The following SLC1A3 variants were observed in gnomAD, a reference collection of about 807,000 sequenced individuals.
SLC1A3 encodes excitatory amino acid transporter 1.
Under a neutral mutation model 48.1 loss-of-function variants are expected in SLC1A3, and 21 were observed. The observed-to-expected ratio is 0.44, with a 90% CI of 0.31 to 0.63. SLC1A3 has a LOEUF of 0.63. Among genes scored for constraint, SLC1A3 ranks in the 20% least tolerant of loss-of-function variants. SLC1A3 has a pLI of 0.08. For synonymous variants in SLC1A3, 239 were observed against 251.4 expected, an observed-to-expected ratio of 0.95 and a Z score of 0.47; for missense variants, 546 against 689.0, an observed-to-expected ratio of 0.79 and a Z score of 2.32.
At chr5:36,647,162 G>A (rs373472581) in intron 3 of SLC1A3, among the ~76,000 whole-genome samples, 1 of 152,094 alleles carries the variant, frequency 6.6e-6, no homozygotes, top group Non-Finnish European at 1.5e-5. Context: ...TGTTTATCTA[G>A]TCTATTGGAA....
intron 3 of SLC1A3, chr5:36,670,778 G>A: frequency 1.8e-6 from 1 of 555,970 alleles, no homozygotes; most frequent in Admixed American, 3.0e-5. Flanking sequence ...ATTTGGCCAT[G>A]TGAAATCAAC....
intron 2 of SLC1A3, among the ~76,000 whole-genome samples, chr5:36,625,235 A>G (rs1739856747): frequency 6.6e-6 from 1 of 152,212 alleles, no homozygotes; most frequent in African/African-American, 2.4e-5. Flanking sequence ...AGGCAGGCGG[A>G]TCACGTGACG....
At chr5:36,664,938 G>A (rs1741670997) in intron 3 of SLC1A3, among the ~76,000 whole-genome samples, 1 of 152,178 alleles carries the variant, frequency 6.6e-6, no homozygotes, top group Non-Finnish European at 1.5e-5. Flanking sequence ...TGAGTAATAA[G>A]TGGAAGTTTT....
Position 36,609,270 on chromosome 5 carries a change from ATTGTT to A in SLC1A3, c.181+678_181+682del, listed in dbSNP as rs538724912. ...CAGCAATCTGTACTAATAAAATATT[ATTGTT>A]TTGTTTTGTTTATTGATCTTAAAAG... On this transcript the variant is annotated intron_variant, in intron 2 of 9. Transcript: ENST00000265113. The A allele has an allele frequency of 1.2e-4, 112 of 931,852 alleles. 1 individual carries two copies. In the South Asian group the frequency reaches 3.9e-3, roughly 33 times the overall value. The allele number at this position is 931,852 out of a possible 1,614,324, so 57.7% of individuals were successfully genotyped here.
intron 2 of SLC1A3, 61 bp from the exon 3 acceptor site, chr5:36,629,389 G>C: frequency 1.4e-6 from 2 of 1,454,896 alleles, no homozygotes; most frequent in Non-Finnish European, 1.9e-6. Flanking sequence ...TGCTAGGGCT[G>C]TTCCTTCTGT....
At position 36,686,486 on chromosome 5, in the gene SLC1A3, ATGTTAGTC is replaced by A; in HGVS notation, c.*219_*226del. ...ACAATTGAAATTTTTAAATCATTTC[ATGTTAGTC>A]TTACCGAATAAGGTACCAAGATCAC... On this transcript the variant is annotated 3_prime_UTR_variant, in exon 10 of 10. Transcript: ENST00000265113. The A allele has an allele frequency of 1.7e-6, 1 of 575,284 alleles. No homozygotes were observed. The highest frequency in any genetic ancestry group is 3.1e-6 in the Non-Finnish European group (1 of 322,698). 35.6% of individuals were successfully genotyped at this position (575,284 alleles called of 1,614,324 possible).
At position 36,671,145 on chromosome 5, in the gene SLC1A3, C is replaced by T; in HGVS notation, c.436C>T (p.His146Tyr). The change falls in exon 4 of 10, where the codon CAT (histidine) becomes TAT (tyrosine). Residue 146 changes from histidine to tyrosine, a missense_variant. By Grantham distance (83) the His-to-Tyr change is moderately conservative. Coordinates refer to ENST00000265113, the MANE Select transcript of SLC1A3 (RefSeq NM_004172.5). ...TGGCATAATCATTGTCATCATCATC[C>T]ATCCTGGGAAGGGCACAAAGGAAAA... ...VIGIIIVIII[H>Y]PGKGTKENMH... 1 of 1,613,838 alleles carries T rather than the reference C, an allele frequency of 6.2e-7. No individual in the cohort carries two copies. Among genetic ancestry groups the T allele is most frequent in the Non-Finnish European group, 8.5e-7 (1 of 1,179,754 alleles).
intron 3 of SLC1A3, among the ~76,000 whole-genome samples, chr5:36,638,021 G>A (rs146114875): frequency 6.6e-5 from 10 of 152,174 alleles, no homozygotes; most frequent in African/African-American, 2.2e-4. Context: ...GTTTTCTGGC[G>A]CCACAGTCCC....
intron 6 of SLC1A3, 36 bp from the exon 7 acceptor site, chr5:36,679,591 C>A (rs750596991): frequency 1.4e-6 from 2 of 1,479,274 alleles, no homozygotes; most frequent in East Asian, 4.5e-5. Context: ...TTGGTGGAAA[C>A]CAGACTCCAA....
At chr5:36,609,535 T>A (rs1170639591) in intron 2 of SLC1A3, among the ~76,000 whole-genome samples, 1 of 152,174 alleles carries the variant, frequency 6.6e-6, no homozygotes, top group Non-Finnish European at 1.5e-5. Context: ...TCCATCAACT[T>A]TAAAGAGGTA....
chr5:36,617,664 A>C (rs935132119), intron 2 of SLC1A3, among the ~76,000 whole-genome samples: 1 of 152,142 alleles, frequency 6.6e-6, no homozygotes, highest in Non-Finnish European at 1.5e-5. Flanking sequence ...CATAGTATAC[A>C]TAGCCCACTT....
intron 2 of SLC1A3, among the ~76,000 whole-genome samples, chr5:36,625,150 T>C (rs1739851933): frequency 6.6e-6 from 1 of 152,216 alleles, no homozygotes; most frequent in African/African-American, 2.4e-5. Flanking sequence ...TGAGCATCAG[T>C]TTATTAATAT....
At chr5:36,601,538 T>C (rs1186834754), upstream of SLC1A3, among the ~76,000 whole-genome samples, 1 of 152,158 alleles carries the variant, frequency 6.6e-6, no homozygotes, top group Admixed American at 6.5e-5. Flanking sequence ...AGCCCAGAGA[T>C]CCAGGTTTGA....
intron 3 of SLC1A3, among the ~76,000 whole-genome samples, chr5:36,662,492 T>C (rs1304040292): frequency 1.3e-5 from 2 of 152,116 alleles, no homozygotes; most frequent in Non-Finnish European, 2.9e-5. Context: ...CCCCGGCCCA[T>C]GGTGGGTCCC....
At chr5:36,678,974 G>A (rs972183314) in intron 6 of SLC1A3, among the ~76,000 whole-genome samples, 4 of 152,174 alleles carry the variant, frequency 2.6e-5, no homozygotes, top group African/African-American at 9.7e-5. Context: ...TTCTCTTAAA[G>A]TAAATTTACT....
At chr5:36,597,029 G>GTTGTT (rs765660203) in intron 1 of SLC1A3, among the ~76,000 whole-genome samples, 11 of 151,996 alleles carry the variant, frequency 7.2e-5, no homozygotes, top group Admixed American at 2.6e-4. Context: ...TGTTTGGTTG[G>GTTGTT]TTGTTTTGTT....
chr5:36,600,925 C>A (rs1443468866), intron 1 of SLC1A3, among the ~76,000 whole-genome samples: 1 of 152,226 alleles, frequency 6.6e-6, no homozygotes, highest in African/African-American at 2.4e-5. Context: ...GTGCTCAAGG[C>A]CCAGTTTCCA....
At chr5:36,664,827 C>A (rs924290594) in intron 3 of SLC1A3, among the ~76,000 whole-genome samples, 3 of 152,174 alleles carry the variant, frequency 2.0e-5, no homozygotes, top group African/African-American at 7.2e-5. Context: ...ATAGGCTCAT[C>A]TGCAAGAGGG....
upstream of SLC1A3, among the ~76,000 whole-genome samples, chr5:36,604,984 A>T (rs1738875259): frequency 1.3e-5 from 2 of 152,002 alleles, no homozygotes; most frequent in African/African-American, 4.8e-5. Flanking sequence ...TGCTTTTAAA[A>T]GTAGTCATGG....
Sources: allele counts gnomAD v4.1 joint callset (sites outside exome capture counted in the v4.1 genomes callset), GRCh38; gene constraint gnomAD v4.1.1; transcripts MANE v1.5; gene names NCBI Gene and HGNC (gene_info 2026-07-23, HGNC 2026-07-21).